The following HEMK2 variants were observed in gnomAD, a reference collection of about 807,000 sequenced individuals.
The protein encoded by HEMK2 is HemK methyltransferase 2, ETF1 glutamine and histone H4 lysine.
chr21:28,681,990 A>G, the HEMK2 span, among the ~76,000 whole-genome samples: 8 of 151,670 alleles, frequency 5.3e-5, no homozygotes, highest in Admixed American at 2.6e-4. Flanking sequence ...CATAGGCATG[A>G]GCAAGGACTT....
At chr21:28,710,436 G>A in the HEMK2 span, among the ~76,000 whole-genome samples, 1 of 152,104 alleles carries the variant, frequency 6.6e-6, no homozygotes, top group African/African-American at 2.4e-5. Context: ...TGCTATTCGT[G>A]ATTTTAAAAA....
At chr21:28,731,998 A>G in the HEMK2 span, among the ~76,000 whole-genome samples, 1 of 152,212 alleles carries the variant, frequency 6.6e-6, no homozygotes, top group Non-Finnish European at 1.5e-5. Context: ...TCACTCCTAG[A>G]AACCTAGCAG....
chr21:28,814,184 C>T, the HEMK2 span, among the ~76,000 whole-genome samples: 1 of 152,086 alleles, frequency 6.6e-6, no homozygotes. Context: ...TTGCAGTGAG[C>T]CGAGATCATG....
chr21:28,811,249 G>GGAAAGAAAGAAAGAAA, the HEMK2 span, among the ~76,000 whole-genome samples: 18 of 133,006 alleles, frequency 1.4e-4, no homozygotes, highest in African/African-American at 4.7e-4. Context: ...CAGAGAAAGA[G>GGAAAGAAAGAAAGAAA]GAAAGAAAGA....
chr21:28,746,426 T>A, the HEMK2 span, among the ~76,000 whole-genome samples: 1 of 152,180 alleles, frequency 6.6e-6, no homozygotes, highest in Non-Finnish European at 1.5e-5. Context: ...TCAACAAATA[T>A]CACCGAGCAC....
chr21:28,635,283 T>A, the HEMK2 span, among the ~76,000 whole-genome samples: 6 of 152,006 alleles, frequency 3.9e-5, no homozygotes, highest in Non-Finnish European at 7.4e-5. Flanking sequence ...TTGTATTTTT[T>A]AGTAAAGACA....
the HEMK2 span, among the ~76,000 whole-genome samples, chr21:28,704,671 A>C: frequency 6.6e-6 from 1 of 152,130 alleles, no homozygotes; most frequent in Non-Finnish European, 1.5e-5. Context: ...AAATTGCTTC[A>C]GGTAACCCTA....
At chr21:28,590,702 A>G in the HEMK2 span, among the ~76,000 whole-genome samples, 1 of 152,248 alleles carries the variant, frequency 6.6e-6, no homozygotes, top group Non-Finnish European at 1.5e-5. Flanking sequence ...TGAGTTTGCC[A>G]AAGTCATCAC....
At chr21:28,660,311 A>T in the HEMK2 span, among the ~76,000 whole-genome samples, 1 of 151,728 alleles carries the variant, frequency 6.6e-6, no homozygotes, top group African/African-American at 2.4e-5. Context: ...TGATAAAAAA[A>T]CTTCCACTAA....
chr21:28,733,054 T>C, the HEMK2 span, among the ~76,000 whole-genome samples: 3 of 151,598 alleles, frequency 2.0e-5, no homozygotes, highest in Admixed American at 6.6e-5. Context: ...CTGAGGCGGG[T>C]GGATCACAAG....
the HEMK2 span, among the ~76,000 whole-genome samples, chr21:28,685,437 C>T: frequency 1.3e-5 from 2 of 152,098 alleles, no homozygotes; most frequent in African/African-American, 4.8e-5. Context: ...AGTGATGACT[C>T]CCTCTTTTTT....
chr21:28,776,359 T>G, the HEMK2 span, among the ~76,000 whole-genome samples: 1 of 152,294 alleles, frequency 6.6e-6, no homozygotes, highest in South Asian at 2.1e-4. Context: ...ATGAATCAGT[T>G]GCACCAGCCC....
the HEMK2 span, among the ~76,000 whole-genome samples, chr21:28,616,480 C>A: frequency 1.3e-5 from 2 of 152,008 alleles, no homozygotes; most frequent in Non-Finnish European, 2.9e-5. Context: ...TATGTAAAGT[C>A]TTATTCTAAT....
the HEMK2 span, among the ~76,000 whole-genome samples, chr21:28,882,828 T>C: frequency 6.6e-6 from 1 of 152,250 alleles, no homozygotes; most frequent in African/African-American, 2.4e-5. Flanking sequence ...TGGAGCAGTT[T>C]GAACATGAAT....
chr21:28,658,257 T>A, the HEMK2 span, among the ~76,000 whole-genome samples: 2 of 152,078 alleles, frequency 1.3e-5, no homozygotes, highest in Non-Finnish European at 2.9e-5. Flanking sequence ...AATAAAAGAA[T>A]AACTGGAGCC....
At chr21:28,646,139 A>G in the HEMK2 span, among the ~76,000 whole-genome samples, 13 of 152,316 alleles carry the variant, frequency 8.5e-5, no homozygotes, top group African/African-American at 3.1e-4. Flanking sequence ...CATCTGGCAC[A>G]TGTTTGCAGA....
the HEMK2 span, among the ~76,000 whole-genome samples, chr21:28,613,616 A>ATTTTTTTTTTTTTTTTTTT: frequency 2.1e-5 from 1 of 47,026 alleles, no homozygotes; most frequent in African/African-American, 9.9e-5. Context: ...CTTTCTGCAT[A>ATTTTTTTTTTTTTTTTTTT]TTCTTTTTTT....
chr21:28,867,648 A>AGCATGTTT, the HEMK2 span, among the ~76,000 whole-genome samples: 2 of 152,222 alleles, frequency 1.3e-5, no homozygotes, highest in Non-Finnish European at 2.9e-5. Flanking sequence ...CATGAGCAAC[A>AGCATGTTT]GCATGTTTCA....
the HEMK2 span, among the ~76,000 whole-genome samples, chr21:28,702,930 C>G: frequency 2.0e-5 from 3 of 152,118 alleles, no homozygotes; most frequent in Non-Finnish European, 4.4e-5. Flanking sequence ...CAATGGTAGA[C>G]TGGGTAAACA....
Sources: allele counts gnomAD v4.1 joint callset (sites outside exome capture counted in the v4.1 genomes callset), GRCh38; gene constraint gnomAD v4.1.1; transcripts MANE v1.5; gene names NCBI Gene and HGNC (gene_info 2026-07-23, HGNC 2026-07-21).